RERE: variants seen among roughly 807,000 people sequenced by gnomAD.
RERE encodes the protein arginine-glutamic acid dipeptide repeats protein.
In RERE, 40 loss-of-function variants were observed where a neutral mutation model predicts 146.1. The ratio of observed to expected loss-of-function variants is 0.27; its 90% CI spans 0.21 to 0.36. RERE has a LOEUF of 0.36. RERE is among the 10% of genes least tolerant of loss of function. The pLI is 1.00. For synonymous variants in RERE, 1,003 were observed against 866.0 expected, an observed-to-expected ratio of 1.16 and a Z score of -2.78; for missense variants, 1,933 against 2,138.7, an observed-to-expected ratio of 0.90 and a Z score of 1.90.
At chr1:8,729,205 T>G (rs1328926829) in intron 1 of RERE, among the ~76,000 whole-genome samples, 1 of 142,998 alleles carries the variant, frequency 7.0e-6, no homozygotes, top group African/African-American at 2.5e-5. Context: ...TTATTAGAAG[T>G]CAGCTACACC....
chr1:8,382,613 A>C (rs919260922), intron 12 of RERE, among the ~76,000 whole-genome samples: 1 of 152,216 alleles, frequency 6.6e-6, no homozygotes, highest in Non-Finnish European at 1.5e-5. Context: ...TTCTAGATGC[A>C]CAGGCAAGAC....
intron 4 of RERE, among the ~76,000 whole-genome samples, chr1:8,605,845 C>CTTTTTTTTTTTTTTTTTTTTTTTTT (rs60346942): frequency 1.1e-5 from 1 of 93,214 alleles, no homozygotes; most frequent in African/African-American, 4.3e-5. Flanking sequence ...AAATACCAAA[C>CTTTTTTTTTTTTTTTTTTTTTTTTT]TTTTTTTTTT....
intron 2 of RERE, among the ~76,000 whole-genome samples, chr1:8,634,796 C>A (rs552012891): frequency 5.3e-5 from 8 of 152,106 alleles, no homozygotes; most frequent in Non-Finnish European, 8.8e-5. Flanking sequence ...AGTGCAGTGG[C>A]GCGATCTCGG....
intron 1 of RERE, among the ~76,000 whole-genome samples, chr1:8,724,889 A>C (rs1342233529): frequency 2.6e-5 from 4 of 151,382 alleles, no homozygotes; most frequent in East Asian, 1.9e-4. Context: ...AAAAAAAAAA[A>C]ACAACTCAAC....
intron 1 of RERE, among the ~76,000 whole-genome samples, chr1:8,775,735 A>C (rs927321885): frequency 1.3e-5 from 2 of 152,272 alleles, no homozygotes; most frequent in African/African-American, 4.8e-5. Context: ...AATAAAATAC[A>C]CATGGTGTGT....
chr1:8,720,324 A>G (rs1044447017), intron 1 of RERE, among the ~76,000 whole-genome samples: 2 of 152,166 alleles, frequency 1.3e-5, no homozygotes, highest in African/African-American at 2.4e-5. Flanking sequence ...CAAAGTAGAA[A>G]GACACTCCTG....
intron 1 of RERE, among the ~76,000 whole-genome samples, chr1:8,789,223 T>A (rs34813437): frequency 0.057 from 7,642 of 132,974 alleles, 521 homozygotes; most frequent in African/African-American, 0.17. Context: ...TGGGGGAGGG[T>A]TGCTTGATCC....
intron 7 of RERE, among the ~76,000 whole-genome samples, chr1:8,509,603 T>C (rs1456107246): frequency 6.6e-6 from 1 of 151,970 alleles, no homozygotes; most frequent in Non-Finnish European, 1.5e-5. Context: ...AGCCCAGAAG[T>C]TTAAAACCAG....
At chr1:8,620,988 C>G (rs1016851287) in intron 3 of RERE, among the ~76,000 whole-genome samples, 10 of 152,006 alleles carry the variant, frequency 6.6e-5, no homozygotes, top group African/African-American at 1.9e-4. Context: ...ACTATCATAG[C>G]CTCCACCTAC....
chr1:8,733,731 G>A (rs928619164), intron 1 of RERE, among the ~76,000 whole-genome samples: 1 of 152,226 alleles, frequency 6.6e-6, no homozygotes, highest in Non-Finnish European at 1.5e-5. Context: ...CCCACAAAAG[G>A]TGTGTGGGAT....
intron 4 of RERE, among the ~76,000 whole-genome samples, chr1:8,561,298 A>C (rs1476640184): frequency 6.6e-6 from 1 of 152,222 alleles, no homozygotes; most frequent in African/African-American, 2.4e-5. Context: ...AAACACACAA[A>C]GGTAGACTGG....
rs189990018 is a variant in RERE, at chr1:8,800,341, A to G, written c.-145+16819T>C. ...AGAGTAAATTTTATAGCATGTGACC[A>G]ATCTCAATGAAGCTTTTATTATTTA... On this transcript the variant is annotated intron_variant, in intron 1 of 22. Coordinates refer to ENST00000400908, the MANE Select transcript of RERE (RefSeq NM_001042681.2). 3.3e-5 allele frequency among the ~76,000 whole-genome samples: 5 copies of G among 152,304 alleles called. No homozygotes were observed. The East Asian group carries it at 7.7e-4, about 24-fold the overall frequency.
chr1:8,606,393 C>T (rs1320927732), intron 4 of RERE, among the ~76,000 whole-genome samples: 1 of 151,940 alleles, frequency 6.6e-6, no homozygotes, highest in Non-Finnish European at 1.5e-5. Context: ...AAAGCTATAA[C>T]TAAAATTTAC....
intron 2 of RERE, among the ~76,000 whole-genome samples, chr1:8,626,783 T>G (rs1646978346): frequency 6.6e-6 from 1 of 152,208 alleles, no homozygotes; most frequent in East Asian, 1.9e-4. Context: ...CTGACCAAAA[T>G]CAGCCAGAAG....
intron 7 of RERE, among the ~76,000 whole-genome samples, chr1:8,529,424 G>C (rs1456520518): frequency 1.5e-4 from 23 of 150,196 alleles, no homozygotes; most frequent in Admixed American, 1.3e-3. Flanking sequence ...CGAGTAGCTG[G>C]GACTACAGGT....
chr1:8,431,406 C>T (rs1193626610), intron 11 of RERE, among the ~76,000 whole-genome samples: 1 of 152,240 alleles, frequency 6.6e-6, no homozygotes, highest in African/African-American at 2.4e-5. Context: ...CCATCACCCT[C>T]AGGTGGGACT....
intron 1 of RERE, among the ~76,000 whole-genome samples, chr1:8,789,704 C>G (rs1641329814): frequency 6.6e-6 from 1 of 152,108 alleles, no homozygotes; most frequent in Non-Finnish European, 1.5e-5. Context: ...CTATTCCTCC[C>G]CACAAATTCT....
chr1:8,680,679 G>C (rs946877794), intron 1 of RERE, among the ~76,000 whole-genome samples: 4 of 152,122 alleles, frequency 2.6e-5, no homozygotes, highest in Non-Finnish European at 5.9e-5. Context: ...TAACATCTAT[G>C]TTTAAATGGG....
At chr1:8,482,061 C>T (rs1644840936) in intron 10 of RERE, among the ~76,000 whole-genome samples, 1 of 151,956 alleles carries the variant, frequency 6.6e-6, no homozygotes, top group Non-Finnish European at 1.5e-5. Flanking sequence ...GAAAACAGTA[C>T]CCCCTCAGTA....
Sources: gnomAD v4.1 joint callset for allele counts (sites outside exome capture counted in the v4.1 genomes callset) on GRCh38, gnomAD v4.1.1 for gene constraint, MANE v1.5 for transcripts, NCBI Gene and HGNC (gene_info 2026-07-23, HGNC 2026-07-21) for gene names.